Variants in KCNQ1 observed in about 807,000 individuals in gnomAD.
KCNQ1 encodes potassium voltage-gated channel subfamily Q member 1, also known as potassium voltage-gated channel subfamily KQT member 1.
KCNQ1 carries 49 observed loss-of-function variants against 72.4 expected under a neutral mutation model. The ratio of observed to expected loss-of-function variants is 0.68; its 90% confidence interval spans 0.54 to 0.86. The LOEUF (loss-of-function observed/expected upper bound fraction) is 0.86, where lower values mean the gene tolerates loss of function less well. KCNQ1 is among the 40% of genes least tolerant of loss of function. The pLI is 0.00. For synonymous variants in KCNQ1, 450 were observed against 412.6 expected (o/e 1.09, Z -1.10); for missense variants, 790 against 945.1 (o/e 0.84, Z 2.15).
At chr11:2,618,470 A>G (rs994107872) in intron 10 of KCNQ1, 1 of 398,528 alleles carries the variant, frequency 2.5e-6, no homozygotes, top group African/African-American at 2.1e-5. Flanking sequence ...ATCTTTCTGC[A>G]TTGTTTTCTT....
intron 10 of KCNQ1, chr11:2,643,982 G>C (rs1849622910): frequency 2.5e-6 from 1 of 398,516 alleles, no homozygotes; most frequent in East Asian, 3.6e-5. Flanking sequence ...TCTGCAGGTT[G>C]TTCCCTTGTA....
chr11:2,609,817 G>T, intron 10 of KCNQ1: 1 of 397,956 alleles, frequency 2.5e-6, no homozygotes, highest in Non-Finnish European at 4.4e-6. Context: ...AATCTCCTTT[G>T]ACTTTATTAT....
chr11:2,571,608 A>T (rs1022926459), intron 4 of KCNQ1, among the ~76,000 whole-genome samples: 1 of 152,034 alleles, frequency 6.6e-6, no homozygotes, highest in Non-Finnish European at 1.5e-5. Context: ...TCAACCCAAG[A>T]TGCCTCAGGC....
chr11:2,649,475 T>C (rs752483282), intron 10 of KCNQ1: 22 of 398,454 alleles, frequency 5.5e-5, no homozygotes, highest in African/African-American at 1.0e-4. Flanking sequence ...GATTTAGTAG[T>C]AATGAATTCC....
chr11:2,615,644 G>C (rs1307590560), intron 10 of KCNQ1: 2 of 397,824 alleles, frequency 5.0e-6, no homozygotes. Flanking sequence ...TGATTGCATG[G>C]ATTTTTTATC....
intron 14 of KCNQ1, chr11:2,777,681 G>A: frequency 1.7e-6 from 1 of 601,620 alleles, no homozygotes; most frequent in South Asian, 2.0e-5. Context: ...GAATGGCATG[G>A]GCTTGCACAG....
At chr11:2,631,890 A>C in intron 10 of KCNQ1, 1 of 398,086 alleles carries the variant, frequency 2.5e-6, no homozygotes. Context: ...ATGTATAGAA[A>C]TGCAACTGAA....
intron 11 of KCNQ1, chr11:2,675,745 T>C: frequency 2.5e-6 from 1 of 398,678 alleles, no homozygotes; most frequent in Non-Finnish European, 4.4e-6. Context: ...CAGAGTGACA[T>C]GAACCAGAGA....
At chr11:2,774,670 G>T (rs1020439124) in intron 12 of KCNQ1, among the ~76,000 whole-genome samples, 18 of 152,236 alleles carry the variant, frequency 1.2e-4, no homozygotes, top group African/African-American at 4.3e-4. Flanking sequence ...TGTCAGAAGT[G>T]TGTCTAGAGC....
chr11:2,532,487 A>G (rs898224745), intron 2 of KCNQ1, among the ~76,000 whole-genome samples: 3 of 152,206 alleles, frequency 2.0e-5, no homozygotes, highest in Non-Finnish European at 4.4e-5. Flanking sequence ...TCACTCAGTC[A>G]TGGCCATGGT....
rs1482891418 is a variant in KCNQ1, at chr11:2,467,214, TG to T, written c.386+21733del. 3.9e-5 allele frequency among the ~76,000 whole-genome samples: 6 copies of T among 152,076 alleles called. 1 individual carries two copies. Among genetic ancestry groups the T allele is most frequent in the Non-Finnish European group, 8.8e-5 (6 of 67,974 alleles). Reference sequence around the variant, plus strand: ...GGTGGAAGTGGGCTGTGAGGGGGTCTGGGTTTATCTCCCCATTGCACAGGGC... The same window carrying T: ...GGTGGAAGTGGGCTGTGAGGGGGTCTGGTTTATCTCCCCATTGCACAGGGC... On this transcript the variant is annotated intron_variant, in intron 1 of 15. Coordinates refer to ENST00000155840, the MANE Select transcript of KCNQ1 (RefSeq NM_000218.3).
rs151126111 is a variant in KCNQ1 at position 2,670,094 on chromosome 11, G to A, written c.1514+8013G>A. The A allele has an allele frequency of 5.0e-5, 20 of 398,600 alleles. No homozygotes were observed. In the Admixed American group the frequency reaches 8.4e-4, roughly 17 times the overall value. The allele number at this position is 398,600 out of a possible 1,614,324, so 24.7% of individuals were successfully genotyped here. A position where few individuals can be genotyped will look rare whatever the true frequency, so the allele number is the denominator to read the frequency against. ...GGGTTGGAGGCAGAATCAGTGGACT[G>A]TGTCTCATGGCAGTCACAGGTGCCC... On this transcript the variant is annotated intron_variant, in intron 11 of 15. Coordinates refer to ENST00000155840, the MANE Select transcript of KCNQ1 (RefSeq NM_000218.3). The surrounding 1 kb of genome is among the most constrained non-coding windows in gnomAD (Gnocchi z 4.9).
At position 2,623,417 on chromosome 11, in the gene KCNQ1, C is replaced by T. The variant is rs1849206773; in HGVS notation, c.1393+34563C>T. ...TGCCCTAAAAGTACTCTGTGCACTG[C>T]CTATTCAACCCTTCTTCCCCAACAA... On this transcript the variant is annotated intron_variant, in intron 10 of 15. Coordinates refer to ENST00000155840, the MANE Select transcript of KCNQ1 (RefSeq NM_000218.3). The surrounding 1 kb of genome is among the most constrained non-coding windows in gnomAD (Gnocchi z 5.2). 5.0e-6 allele frequency: 2 copies of T among 398,416 alleles called. No individual in the cohort carries two copies. Among genetic ancestry groups the T allele is most frequent in the African/African-American group, 2.1e-5 (1 of 48,614 alleles). 24.7% of individuals were successfully genotyped at this position (398,416 alleles called of 1,614,324 possible).
At position 2,445,365 on chromosome 11, in the gene KCNQ1, G is replaced by A. The variant is rs907132030; in HGVS notation, c.267G>A (p.Pro89=). The A allele has an allele frequency of 8.8e-6, 14 of 1,597,218 alleles. No homozygotes were observed. The highest frequency in any genetic ancestry group is 2.7e-5 in the African/African-American group (2 of 74,860). Residue 89 remains proline (P), a synonymous_variant, in exon 1 of 16, where the codon CCG becomes CCA. Coordinates refer to ENST00000155840, the MANE Select transcript of KCNQ1 (RefSeq NM_000218.3). ...CGCGGCCGCCGGTGAGCCTAGACCC[G>A]CGCGTCTCCATCTACAGCACGCGCC... ...LGPRPPVSLD[P]RVSIYSTRRP...
intron 2 of KCNQ1, among the ~76,000 whole-genome samples, chr11:2,552,286 G>C (rs1322694760): frequency 6.6e-6 from 1 of 152,176 alleles, no homozygotes; most frequent in Non-Finnish European, 1.5e-5. Flanking sequence ...TATGGTGACA[G>C]GTATGGATGG....
chr11:2,839,684 C>G (rs1848161561), intron 15 of KCNQ1: 1 of 152,272 alleles, frequency 6.6e-6, no homozygotes, highest in African/African-American at 2.4e-5. Flanking sequence ...TCAGCCCCCA[C>G]AGCCGTGGTG....
rs755186275 is a variant in KCNQ1, at chr11:2,735,183, G to A, written c.1515-33661G>A. Reference sequence around the variant, plus strand: ...GGACAGGGAGGGACTGTGTGTGAGAGCCAGGGAAGGGCTGCTCAGGGGGCT... The same window carrying A: ...GGACAGGGAGGGACTGTGTGTGAGAACCAGGGAAGGGCTGCTCAGGGGGCT... On this transcript the variant is annotated intron_variant, in intron 11 of 15. Coordinates refer to ENST00000155840, the MANE Select transcript of KCNQ1 (RefSeq NM_000218.3). The surrounding 1 kb of genome is among the most constrained non-coding windows in gnomAD (Gnocchi z 7.7). Among the ~76,000 whole-genome samples, 2 of 152,172 alleles carry A rather than the reference G, an allele frequency of 1.3e-5. No homozygotes were observed. The highest frequency in any genetic ancestry group is 4.8e-5 in the African/African-American group (2 of 41,434).
intron 10 of KCNQ1, chr11:2,610,505 A>G: frequency 2.5e-6 from 1 of 398,382 alleles, no homozygotes; most frequent in Non-Finnish European, 4.4e-6. Context: ...CTTACTCTAG[A>G]ACAGCTTTGC....
rs138211764 is a variant in KCNQ1 at position 2,796,630 on chromosome 11, CG to C, written c.1794+18597del. Among the ~76,000 whole-genome samples the C allele has an allele frequency of 4.3e-3, 661 of 152,328 alleles. 7 individuals carry two copies. The highest frequency in any genetic ancestry group is 0.015 in the African/African-American group (625 of 41,580). On this transcript the variant is annotated intron_variant, in intron 15 of 15. Coordinates refer to ENST00000155840, the MANE Select transcript of KCNQ1 (RefSeq NM_000218.3). ...CCAGGTTCCTGCCCACTCAGCCCCT[CG>C]GGGCCGTGTCTCCCTGCGTCAGAGC...
Sources: gnomAD v4.1 joint callset for allele counts (sites outside exome capture counted in the v4.1 genomes callset) on GRCh38, gnomAD v4.1.1 for gene constraint, Gnocchi (gnomAD v3.1) non-coding constraint, MANE v1.5 for transcripts, NCBI Gene and HGNC (gene_info 2026-07-23, HGNC 2026-07-21) for gene names.